The following CNTNAP2 variants were observed in gnomAD, a reference collection of about 807,000 sequenced individuals.
CNTNAP2 encodes the protein contactin associated protein 2, also known as contactin-associated protein-like 2.
A neutral mutation model predicts 155.2 loss-of-function variants in CNTNAP2; 98 were observed. The ratio of observed to expected loss-of-function variants is 0.63; its 90% CI spans 0.54 to 0.75. The LOEUF (loss-of-function observed/expected upper bound fraction) is 0.75. Ranked by LOEUF, CNTNAP2 falls within the 30% of genes least tolerant of loss-of-function variation. The probability of loss-of-function intolerance (pLI) is 0.00; values close to 1 mark genes in which losing one functional copy is unlikely to be tolerated. For synonymous variants in CNTNAP2, 651 were observed against 631.2 expected (o/e 1.03, Z -0.47); for missense variants, 1,727 against 1,688.1 (o/e 1.02, Z -0.40).
chr7:147,142,585 T>C (rs1463423061), intron 8 of CNTNAP2, among the ~76,000 whole-genome samples: 1 of 152,136 alleles, frequency 6.6e-6, no homozygotes, highest in Non-Finnish European at 1.5e-5. Flanking sequence ...GATGCTGGCC[T>C]CATAAAATGA....
intron 2 of CNTNAP2, among the ~76,000 whole-genome samples, chr7:146,779,451 C>T (rs931096447): frequency 6.6e-6 from 1 of 152,128 alleles, no homozygotes; most frequent in African/African-American, 2.4e-5. Flanking sequence ...TATGTAATTA[C>T]ACCAGATGAG....
At chr7:146,336,692 C>G (rs1171372701) in intron 1 of CNTNAP2, among the ~76,000 whole-genome samples, 1 of 152,114 alleles carries the variant, frequency 6.6e-6, no homozygotes, top group Admixed American at 6.6e-5. Flanking sequence ...AAATACTCCT[C>G]AATAAGTGAA....
In CNTNAP2 at chr7:147,135,533, A is replaced by G. The variant is rs564317086; in HGVS notation, c.1348+3024A>G. 1.2e-4 allele frequency among the ~76,000 whole-genome samples: 18 copies of G among 151,998 alleles called. No individual in the cohort carries two copies. The East Asian group carries it at 3.5e-3, about 29-fold the overall frequency. On this transcript the variant is annotated intron_variant, in intron 8 of 23. Transcript: ENST00000361727. ...ATAAATGATAATATTAAACAGGTGC[A>G]AAAAGGGTCTAATGAATAATAGCTG...
chr7:146,420,146 G>T (rs532739143), intron 1 of CNTNAP2, among the ~76,000 whole-genome samples: 35 of 152,218 alleles, frequency 2.3e-4, no homozygotes, highest in Non-Finnish European at 5.0e-4. Context: ...TGGAGAAAAG[G>T]AAAATGAAGC....
At chr7:146,523,698 T>C (rs1393383796) in intron 1 of CNTNAP2, among the ~76,000 whole-genome samples, 1 of 152,170 alleles carries the variant, frequency 6.6e-6, no homozygotes, top group Non-Finnish European at 1.5e-5. Flanking sequence ...TCTTTTGACC[T>C]AAATGGTGAA....
At chr7:147,831,200 T>C (rs1246564021) in intron 13 of CNTNAP2, among the ~76,000 whole-genome samples, 1 of 152,190 alleles carries the variant, frequency 6.6e-6, no homozygotes, top group East Asian at 1.9e-4. Context: ...TAGTGATTAA[T>C]TACATTAAAA....
intron 13 of CNTNAP2, among the ~76,000 whole-genome samples, chr7:147,785,006 G>GA (rs1797718522): frequency 6.6e-6 from 1 of 152,074 alleles, no homozygotes; most frequent in Non-Finnish European, 1.5e-5. Flanking sequence ...GTTTTGTGGA[G>GA]AAAACCATGA....
intron 1 of CNTNAP2, among the ~76,000 whole-genome samples, chr7:146,137,312 G>A (rs1442216640): frequency 2.6e-5 from 4 of 152,002 alleles, no homozygotes; most frequent in African/African-American, 4.8e-5. Context: ...AAGTTCTTTC[G>A]GGCCATAATA....
intron 1 of CNTNAP2, among the ~76,000 whole-genome samples, chr7:146,721,952 G>A (rs1174785356): frequency 7.1e-6 from 1 of 140,708 alleles, no homozygotes; most frequent in Non-Finnish European, 1.5e-5. Context: ...GCAGTGGCAC[G>A]ACTTCAGCTC....
intron 2 of CNTNAP2, among the ~76,000 whole-genome samples, chr7:146,796,328 C>T (rs184030839): frequency 2.2e-4 from 33 of 152,248 alleles, no homozygotes; most frequent in East Asian, 9.7e-4. Context: ...GACATGAGAA[C>T]GACCGTCACA....
intron 1 of CNTNAP2, among the ~76,000 whole-genome samples, chr7:146,251,098 CT>C (rs1159905639): frequency 6.6e-6 from 1 of 152,094 alleles, no homozygotes; most frequent in African/African-American, 2.4e-5. Flanking sequence ...GATATTATAT[CT>C]AGTTTTTATG....
At chr7:147,467,170 A>T (rs4259337) in intron 10 of CNTNAP2, among the ~76,000 whole-genome samples, 1 of 151,940 alleles carries the variant, frequency 6.6e-6, no homozygotes, top group African/African-American at 2.4e-5. Flanking sequence ...GGGATGTTTC[A>T]GTTTGATTTC....
At chr7:148,220,814 G>A (rs994446223) in intron 19 of CNTNAP2, among the ~76,000 whole-genome samples, 5 of 147,982 alleles carry the variant, frequency 3.4e-5, no homozygotes, top group South Asian at 2.2e-4. Context: ...TGGTCTTCAG[G>A]AGTTCATCAG....
At chr7:147,425,188 T>C (rs1187116121) in intron 10 of CNTNAP2, among the ~76,000 whole-genome samples, 1 of 145,342 alleles carries the variant, frequency 6.9e-6, no homozygotes, top group Non-Finnish European at 1.5e-5. Context: ...GAATAATGCA[T>C]GTTCAATAGA....
At chr7:146,701,582 G>A (rs1036335007) in intron 1 of CNTNAP2, among the ~76,000 whole-genome samples, 1 of 152,032 alleles carries the variant, frequency 6.6e-6, no homozygotes, top group Non-Finnish European at 1.5e-5. Flanking sequence ...CTTGATAGAG[G>A]AGATATCATC....
At chr7:146,242,221 A>G (rs912608236) in intron 1 of CNTNAP2, among the ~76,000 whole-genome samples, 2 of 152,164 alleles carry the variant, frequency 1.3e-5, no homozygotes, top group Non-Finnish European at 2.9e-5. Context: ...TTGTCTTAAC[A>G]CATTCAGGGC....
At chr7:146,540,790 T>C (rs1008532094) in intron 1 of CNTNAP2, among the ~76,000 whole-genome samples, 2 of 152,078 alleles carry the variant, frequency 1.3e-5, no homozygotes, top group African/African-American at 2.4e-5. Flanking sequence ...TCTTTTATTT[T>C]TAACTTACTG....
intron 13 of CNTNAP2, among the ~76,000 whole-genome samples, chr7:147,667,456 G>A (rs1345089272): frequency 6.6e-6 from 1 of 152,048 alleles, no homozygotes; most frequent in African/African-American, 2.4e-5. Context: ...GCACAGTGAC[G>A]ACCCCAGGGT....
At chr7:146,189,550 G>A (rs1271377106) in intron 1 of CNTNAP2, among the ~76,000 whole-genome samples, 1 of 151,958 alleles carries the variant, frequency 6.6e-6, no homozygotes, top group East Asian at 1.9e-4. Flanking sequence ...CACAGAAGGT[G>A]GAACAAAGTC....
Sources: gnomAD v4.1 joint callset for allele counts (sites outside exome capture counted in the v4.1 genomes callset) on GRCh38, gnomAD v4.1.1 for gene constraint, MANE v1.5 for transcripts, NCBI Gene and HGNC (gene_info 2026-07-23, HGNC 2026-07-21) for gene names.